Variants in BANK1 observed in about 807,000 individuals in gnomAD.
The protein encoded by BANK1 is B cell scaffold protein with ankyrin repeats 1, also known as B-cell scaffold protein with ankyrin repeats.
In BANK1, 95 loss-of-function variants were observed where a neutral mutation model predicts 94.5. The observed-to-expected ratio is 1.00, with a 90% CI of 0.85 to 1.19. BANK1 has a LOEUF of 1.19. BANK1 is among the 50% of genes most tolerant of loss of function. The probability of loss-of-function intolerance (pLI) is 0.00; values close to 1 mark genes in which losing one functional copy is unlikely to be tolerated. For synonymous variants in BANK1, 334 were observed against 308.4 expected, an observed-to-expected ratio of 1.08 and a Z score of -0.87; for missense variants, 987 against 932.2, an observed-to-expected ratio of 1.06 and a Z score of -0.77.
chr4:101,982,750 T>C (rs936695996), intron 7 of BANK1, among the ~76,000 whole-genome samples: 4 of 151,986 alleles, frequency 2.6e-5, no homozygotes, highest in African/African-American at 9.7e-5. Flanking sequence ...AGTTGTATCA[T>C]ATTTCATTCC....
At chr4:101,910,997 G>A (rs777793148) in intron 6 of BANK1, among the ~76,000 whole-genome samples, 1 of 152,116 alleles carries the variant, frequency 6.6e-6, no homozygotes, top group Non-Finnish European at 1.5e-5. Context: ...CTTAACATGC[G>A]TTTTGCTTAC....
rs912101899 is a variant in BANK1 at position 101,862,936 on chromosome 4, A to G, written c.763+272A>G. ...TAAATATGTCAGCAGAGAGCATTTT[A>G]ATTTATGGCAACCACTAAACATATG... On this transcript the variant is annotated intron_variant, in intron 4 of 16. Transcript: ENST00000322953. Among the ~76,000 whole-genome samples, 11 of 152,166 alleles carry G rather than the reference A, an allele frequency of 7.2e-5. No individual in the cohort carries two copies. In the South Asian group the frequency reaches 1.4e-3, roughly 20 times the overall value.
intron 4 of BANK1, among the ~76,000 whole-genome samples, chr4:101,863,124 C>T (rs1291795263): frequency 1.3e-5 from 2 of 151,674 alleles, no homozygotes; most frequent in Non-Finnish European, 2.9e-5. Flanking sequence ...CAGTATGGTG[C>T]AATTTGTACA....
At chr4:101,899,654 A>C (rs1259152218) in intron 6 of BANK1, among the ~76,000 whole-genome samples, 1 of 152,200 alleles carries the variant, frequency 6.6e-6, no homozygotes, top group Non-Finnish European at 1.5e-5. Context: ...AGGTATGCTT[A>C]CAAACATACT....
chr4:101,846,143 C>G (rs1470186821), intron 2 of BANK1, among the ~76,000 whole-genome samples: 5 of 152,046 alleles, frequency 3.3e-5, no homozygotes, highest in Non-Finnish European at 1.5e-5. Context: ...TATTGCCGCA[C>G]TGTTCACAAT....
Position 101,997,052 on chromosome 4 carries a change from A to T in BANK1, c.1207-24462A>T, listed in dbSNP as rs181918153. Among the ~76,000 whole-genome samples, 962 of 152,206 alleles carry T rather than the reference A, an allele frequency of 6.3e-3. 15 individuals carry two copies. Among genetic ancestry groups the T allele is most frequent in the South Asian group, 0.041 (197 of 4,822 alleles). On this transcript the variant is annotated intron_variant, in intron 7 of 16. Transcript: ENST00000322953. ...TCCAGCTTTTGCCCATTCAGTATGA[A>T]AATGGCTGTGTGTTTGTCATAAATA...
At chr4:101,854,323 A>G (rs920787136) in intron 2 of BANK1, among the ~76,000 whole-genome samples, 1 of 152,186 alleles carries the variant, frequency 6.6e-6, no homozygotes, top group Non-Finnish European at 1.5e-5. Context: ...TTTTTCAAAT[A>G]GAGAACAATG....
intron 15 of BANK1, 34 bp downstream of exon 15, chr4:102,072,434 C>CAAAG (rs757347269): frequency 3.4e-6 from 5 of 1,455,760 alleles, no homozygotes; most frequent in Non-Finnish European, 3.8e-6. Context: ...CTATAAAATG[C>CAAAG]AAAGAAATAA....
At chr4:102,002,378 G>A (rs1726106468) in intron 7 of BANK1, among the ~76,000 whole-genome samples, 1 of 151,398 alleles carries the variant, frequency 6.6e-6, no homozygotes, top group Non-Finnish European at 1.5e-5. Flanking sequence ...AAAAAAAAGA[G>A]GTAACAATAG....
intron 5 of BANK1, 127 bp from the exon 6 acceptor site, chr4:101,895,178 G>A: frequency 2.0e-6 from 1 of 494,392 alleles, no homozygotes; most frequent in Non-Finnish European, 3.6e-6. Flanking sequence ...TTTCTAAAAA[G>A]TTATCAGTAT....
At position 102,020,161 on chromosome 4, in the gene BANK1, G is replaced by A. The variant is rs918222101; in HGVS notation, c.1207-1353G>A. 4.6e-5 allele frequency among the ~76,000 whole-genome samples: 7 copies of A among 151,334 alleles called. No individual in the cohort carries two copies. In the East Asian group the frequency reaches 7.7e-4, roughly 17 times the overall value. On this transcript the variant is annotated intron_variant, in intron 7 of 16. Transcript: ENST00000322953. ...ATTCTCAAAATCTTTGTAAACCATT[G>A]CTACTAATAAATTAGTAAAAAAAAA...
At chr4:101,868,134 G>GTAGT (rs1728147201) in intron 4 of BANK1, among the ~76,000 whole-genome samples, 1 of 152,030 alleles carries the variant, frequency 6.6e-6, no homozygotes, top group African/African-American at 2.4e-5. Flanking sequence ...AGCAAGGTAG[G>GTAGT]TTGGAGGTTG....
At position 101,987,671 on chromosome 4, in the gene BANK1, G is replaced by A. The variant is rs552805340; in HGVS notation, c.1207-33843G>A. 8.5e-5 allele frequency among the ~76,000 whole-genome samples: 13 copies of A among 152,090 alleles called. No homozygotes were observed. In the East Asian group the frequency reaches 2.5e-3, roughly 29 times the overall value. ...TTTCTAAATGCAAAGAAGCTCCTCT[G>A]TTCATGACAAATATTAAAAAAAGAG... On this transcript the variant is annotated intron_variant, in intron 7 of 16. Transcript: ENST00000322953.
At chr4:101,904,926 A>C (rs951196005) in intron 6 of BANK1, among the ~76,000 whole-genome samples, 9 of 152,140 alleles carry the variant, frequency 5.9e-5, no homozygotes, top group African/African-American at 2.2e-4. Flanking sequence ...CAAACCTTTA[A>C]ATTTCTTTCC....
At chr4:101,801,207 G>T (rs529007304) in intron 1 of BANK1, among the ~76,000 whole-genome samples, 2 of 152,094 alleles carry the variant, frequency 1.3e-5, no homozygotes, top group Admixed American at 6.6e-5. Flanking sequence ...AGTTTTCAAA[G>T]ACTGAGCACA....
At chr4:101,911,955 T>C (rs1448215339) in intron 6 of BANK1, among the ~76,000 whole-genome samples, 1 of 152,166 alleles carries the variant, frequency 6.6e-6, no homozygotes, top group Non-Finnish European at 1.5e-5. Context: ...AAATAGTATC[T>C]ATTAGTAACT....
At chr4:102,060,088 A>G (rs902421257) in intron 11 of BANK1, 123 bp from the exon 12 acceptor site, 8 of 867,632 alleles carry the variant, frequency 9.2e-6, no homozygotes, top group Non-Finnish European at 1.2e-5. Flanking sequence ...GTGCTGGTTT[A>G]TTCTTTAACT....
chr4:101,884,996 CG>C (rs1728800039), intron 5 of BANK1, among the ~76,000 whole-genome samples: 1 of 152,326 alleles, frequency 6.6e-6, no homozygotes, highest in East Asian at 1.9e-4. Context: ...GCAACCTCCG[CG>C]CCCTCTCCCC....
chr4:102,073,159 C>T (rs1352445536), intron 15 of BANK1, among the ~76,000 whole-genome samples: 1 of 151,638 alleles, frequency 6.6e-6, no homozygotes, highest in Non-Finnish European at 1.5e-5. Context: ...AAATCATTCA[C>T]CCTTAAAAAC....
Sources: gnomAD v4.1 joint callset for allele counts (sites outside exome capture counted in the v4.1 genomes callset) on GRCh38, gnomAD v4.1.1 for gene constraint, MANE v1.5 for transcripts, NCBI Gene and HGNC (gene_info 2026-07-23, HGNC 2026-07-21) for gene names.